CLEC6A: variants seen among roughly 807,000 people sequenced by gnomAD.
CLEC6A encodes the protein C-type lectin domain containing 6A, also known as C-type lectin domain family 6 member A.
CLEC6A carries 22 observed loss-of-function variants against 25.7 expected under a neutral mutation model. That is an observed-to-expected ratio of 0.85 (90% CI 0.61 to 1.22). CLEC6A has a LOEUF of 1.22. Among genes scored for constraint, CLEC6A ranks in the 50% most tolerant of loss-of-function variants. The pLI is 0.00. For missense variants in CLEC6A, 240 were observed against 236.8 expected, an observed-to-expected ratio of 1.01 and a Z score of -0.09; for synonymous variants, 92 against 76.7, an observed-to-expected ratio of 1.20 and a Z score of -1.04.
intron 4 of CLEC6A, among the ~76,000 whole-genome samples, chr12:8,473,878 G>C (rs1216837076): frequency 1.3e-5 from 2 of 151,940 alleles, no homozygotes; most frequent in East Asian, 3.9e-4. Flanking sequence ...ATCTTCTTTT[G>C]AGAAGTGTCT....
At chr12:8,461,723 G>A (rs972056977) in intron 3 of CLEC6A, among the ~76,000 whole-genome samples, 2 of 152,234 alleles carry the variant, frequency 1.3e-5, no homozygotes, top group African/African-American at 2.4e-5. Flanking sequence ...TTTGATTAAC[G>A]TTAAAAAATA....
At chr12:8,475,211 G>A (rs1156994316) in intron 4 of CLEC6A, among the ~76,000 whole-genome samples, 1 of 151,962 alleles carries the variant, frequency 6.6e-6, no homozygotes, top group Non-Finnish European at 1.5e-5. Context: ...AAGTACTCAG[G>A]GGAGTAGAGA....
chr12:8,466,492 C>T (rs1939831902), intron 4 of CLEC6A, among the ~76,000 whole-genome samples: 3 of 152,180 alleles, frequency 2.0e-5, no homozygotes, highest in Admixed American at 2.0e-4. Context: ...TGCCATTTAA[C>T]ATCACCAGCA....
chr12:8,456,448 A>T (rs1030762156), intron 1 of CLEC6A, among the ~76,000 whole-genome samples: 16 of 152,190 alleles, frequency 1.1e-4, no homozygotes, highest in African/African-American at 3.6e-4. Flanking sequence ...TGCTCTTCAA[A>T]GTCTTTTGAC....
intron 5 of CLEC6A, 23 bp downstream of exon 5, chr12:8,476,263 GTT>G: frequency 7.4e-7 from 1 of 1,357,712 alleles, no homozygotes. Context: ...CTGGGGCCTT[GTT>G]TACATAGAAA....
chr12:8,456,251 A>G, intron 1 of CLEC6A, 109 bp downstream of exon 1: 4 of 1,015,672 alleles, frequency 3.9e-6, no homozygotes, highest in Non-Finnish European at 6.1e-6. Flanking sequence ...GATTGGACCA[A>G]TATAGTAGAC....
intron 5 of CLEC6A, 41 bp from the exon 6 acceptor site, chr12:8,477,279 C>A: frequency 1.3e-6 from 2 of 1,540,964 alleles, no homozygotes; most frequent in Non-Finnish European, 1.8e-6. Context: ...ATTCACCATG[C>A]ATTCTTTGAA....
At chr12:8,476,987 T>C (rs987287428) in intron 5 of CLEC6A, among the ~76,000 whole-genome samples, 1 of 152,072 alleles carries the variant, frequency 6.6e-6, no homozygotes, top group African/African-American at 2.4e-5. Flanking sequence ...TACATAGATG[T>C]AAGGAGATAG....
At chr12:8,463,047 C>T (rs768128069) in intron 3 of CLEC6A, among the ~76,000 whole-genome samples, 2 of 152,124 alleles carry the variant, frequency 1.3e-5, no homozygotes, top group South Asian at 4.2e-4. Context: ...AGTGTTAACC[C>T]CCATCACCCA....
In CLEC6A at chr12:8,477,388, CA is replaced by C. The variant is rs1428191498; in HGVS notation, c.555del (p.Gly186AspfsTer19). The C allele has an allele frequency of 6.2e-7, 1 of 1,612,242 alleles. No homozygotes were observed. The highest frequency in any genetic ancestry group is 1.7e-5 in the Admixed American group (1 of 59,892). ...QCASIVFWKPTGWGWNDVICE... is the reference protein window; with the variant it reads ...QCASIVFWKPXGWGWNDVICE... The stretch of plus-strand genomic sequence containing the variant: ...GCTTCAATAGTCTTCTGGAAACCTA[CA>C]GGATGGGGCTGGAATGATGTTATCT... On this transcript the variant is annotated frameshift_variant, in exon 6 of 6. Coordinates refer to ENST00000382073, the MANE Select transcript of CLEC6A (RefSeq NM_001007033.2). LOFTEE classifies it high-confidence loss of function.
chr12:8,467,916 T>C (rs1191152466), intron 4 of CLEC6A, among the ~76,000 whole-genome samples: 1 of 152,166 alleles, frequency 6.6e-6, no homozygotes, highest in African/African-American at 2.4e-5. Flanking sequence ...AAGTATTTTA[T>C]TATTTTTGAT....
intron 4 of CLEC6A, among the ~76,000 whole-genome samples, chr12:8,469,312 A>G (rs1490061753): frequency 6.6e-6 from 1 of 152,194 alleles, no homozygotes; most frequent in Non-Finnish European, 1.5e-5. Flanking sequence ...AACACATCCT[A>G]TGCTCATGGA....
intron 4 of CLEC6A, among the ~76,000 whole-genome samples, chr12:8,475,730 C>T (rs117559210): frequency 0.02 from 2,994 of 152,162 alleles, 52 homozygotes; most frequent in Non-Finnish European, 0.032. Flanking sequence ...AATTCAAATG[C>T]TAATCTCATC....
intron 4 of CLEC6A, among the ~76,000 whole-genome samples, chr12:8,475,921 A>G (rs968029554): frequency 6.6e-6 from 1 of 152,186 alleles, no homozygotes; most frequent in Non-Finnish European, 1.5e-5. Flanking sequence ...ATTCTGAGAC[A>G]AGAATTCCTG....
Position 8,477,369 on chromosome 12 carries a change from A to G in CLEC6A, c.535A>G (p.Ile179Val), listed in dbSNP as rs149856067. 61 of 1,612,514 alleles carry G rather than the reference A, an allele frequency of 3.8e-5. No homozygotes were observed. Among genetic ancestry groups the G allele is most frequent in the African/African-American group, 3.5e-4 (26 of 74,834 alleles). The change falls in exon 6 of 6, where the codon ATA (isoleucine) becomes GTA (valine). Residue 179 changes from isoleucine (I) to valine (V), a missense_variant. Physicochemically the swap from Ile to Val is conservative, Grantham distance 29 (BLOSUM62 3). Transcript: ENST00000382073. ...PNHSAEQCASIVFWKPTGWGW... is the reference protein window; with the variant it reads ...PNHSAEQCASVVFWKPTGWGW... ...TCATTCTGCAGAGCAATGTGCTTCA[A>G]TAGTCTTCTGGAAACCTACAGGATG...
At chr12:8,467,713 C>A (rs1939850887) in intron 4 of CLEC6A, among the ~76,000 whole-genome samples, 1 of 152,060 alleles carries the variant, frequency 6.6e-6, no homozygotes, top group Non-Finnish European at 1.5e-5. Context: ...TTCTTTCTTT[C>A]TGCAAAAAAT....
chr12:8,477,596 C>A lies in CLEC6A; in HGVS notation c.*132C>A. 3.3e-6 allele frequency: 2 copies of A among 613,314 alleles called. No homozygotes were observed. Among genetic ancestry groups the A allele is most frequent in the South Asian group, 3.0e-5 (1 of 32,980 alleles). 38.0% of individuals were successfully genotyped at this position (613,314 alleles called of 1,614,324 possible). ...ACATAATCCTTATGTTATAGAGGTT[C>A]ACAGAAATGGAAAGATACCTGTTTC... On this transcript the variant is annotated 3_prime_UTR_variant, in exon 6 of 6. Transcript: ENST00000382073.
chr12:8,463,678 G>T (rs1939792651), intron 3 of CLEC6A, among the ~76,000 whole-genome samples: 1 of 152,192 alleles, frequency 6.6e-6, no homozygotes, highest in Admixed American at 6.5e-5. Context: ...TTTTGCAAAA[G>T]ATTTATTTCT....
intron 3 of CLEC6A, among the ~76,000 whole-genome samples, chr12:8,463,056 C>A (rs1939784009): frequency 6.6e-6 from 1 of 152,152 alleles, no homozygotes. Context: ...CCCCATCACC[C>A]ATTAAAACAA....
Sources: gnomAD v4.1 joint callset for allele counts (sites outside exome capture counted in the v4.1 genomes callset) on GRCh38, gnomAD v4.1.1 for gene constraint, MANE v1.5 for transcripts, NCBI Gene and HGNC (gene_info 2026-07-23, HGNC 2026-07-21) for gene names.